Variants in RAB38 observed in about 807,000 individuals in gnomAD.
RAB38 encodes ras-related protein Rab-38.
A neutral mutation model predicts 18.4 loss-of-function variants in RAB38; 15 were observed. The ratio of observed to expected loss-of-function variants is 0.82; its 90% CI spans 0.55 to 1.26. The LOEUF is 1.26. Ranked by LOEUF, RAB38 falls within the 50% of genes most tolerant of loss-of-function variation. The pLI is 0.00. For missense variants in RAB38, 294 were observed against 267.4 expected, an observed-to-expected ratio of 1.10 and a Z score of -0.69; for synonymous variants, 101 against 104.4, an observed-to-expected ratio of 0.97 and a Z score of 0.20.
At chr11:88,053,086 A>AAT in the RAB38 span, among the ~76,000 whole-genome samples, 3 of 132,334 alleles carry the variant, frequency 2.3e-5, no homozygotes, top group Non-Finnish European at 4.7e-5. Context: ...ATATATATGG[A>AAT]ATATATATTA....
chr11:87,888,770 T>G, the RAB38 span, among the ~76,000 whole-genome samples: 1 of 151,898 alleles, frequency 6.6e-6, no homozygotes, highest in Non-Finnish European at 1.5e-5. Flanking sequence ...TATTTTATCT[T>G]TCTTGTAATA....
chr11:87,964,172 T>A, the RAB38 span, among the ~76,000 whole-genome samples: 1 of 152,118 alleles, frequency 6.6e-6, no homozygotes, highest in Non-Finnish European at 1.5e-5. Flanking sequence ...TATTAGTGTG[T>A]CTATAGGTCA....
the RAB38 span, among the ~76,000 whole-genome samples, chr11:87,920,964 G>A: frequency 6.6e-6 from 1 of 151,920 alleles, no homozygotes; most frequent in African/African-American, 2.4e-5. Context: ...TCGCAGTTCT[G>A]GTGGCTGTAA....
the RAB38 span, among the ~76,000 whole-genome samples, chr11:87,858,577 C>G: frequency 1.3e-5 from 2 of 151,966 alleles, no homozygotes; most frequent in Admixed American, 6.6e-5. Context: ...GTGCTCCACA[C>G]AAAAAATTTA....
At chr11:88,039,477 A>T in the RAB38 span, among the ~76,000 whole-genome samples, 2 of 152,206 alleles carry the variant, frequency 1.3e-5, no homozygotes, top group African/African-American at 2.4e-5. Flanking sequence ...CTGGATAAGC[A>T]GAACTGTGGT....
the RAB38 span, among the ~76,000 whole-genome samples, chr11:87,963,620 T>G: frequency 6.6e-6 from 1 of 151,810 alleles, no homozygotes; most frequent in African/African-American, 2.4e-5. Flanking sequence ...TACGTAGAGA[T>G]AGCTAAATAT....
At chr11:88,029,341 C>T in the RAB38 span, among the ~76,000 whole-genome samples, 80 of 150,662 alleles carry the variant, frequency 5.3e-4, no homozygotes, top group South Asian at 0.013. Context: ...AAATAACCAG[C>T]TAACATCAAA....
At chr11:88,039,380 A>C in the RAB38 span, among the ~76,000 whole-genome samples, 1 of 152,062 alleles carries the variant, frequency 6.6e-6, no homozygotes, top group Admixed American at 6.6e-5. Context: ...AGAACAGCAA[A>C]GCACCATAAA....
At chr11:88,164,259 T>TGG (rs749101503) in intron 1 of RAB38, among the ~76,000 whole-genome samples, 15 of 103,320 alleles carry the variant, frequency 1.5e-4, no homozygotes, top group East Asian at 1.0e-3. Flanking sequence ...GTGCTCTCGG[T>TGG]GGGGGGGGGT....
the RAB38 span, among the ~76,000 whole-genome samples, chr11:87,813,499 TCA>T: frequency 0.58 from 85,067 of 146,592 alleles, 24,836 homozygotes; most frequent in East Asian, 0.79. Context: ...ATCATACACA[TCA>T]CACACACACA....
chr11:88,019,478 C>T, the RAB38 span, among the ~76,000 whole-genome samples: 1 of 152,192 alleles, frequency 6.6e-6, no homozygotes, highest in South Asian at 2.1e-4. Context: ...TCTAGCTATT[C>T]TGTTTCCACC....
the RAB38 span, among the ~76,000 whole-genome samples, chr11:87,956,983 T>TGC: frequency 6.7e-6 from 1 of 149,080 alleles, no homozygotes; most frequent in Admixed American, 6.7e-5. Context: ...TGCAGTTTTT[T>TGC]GGGGGGGGGT....
the RAB38 span, among the ~76,000 whole-genome samples, chr11:88,021,853 CAAA>C: frequency 8.3e-6 from 1 of 120,402 alleles, no homozygotes; most frequent in Admixed American, 8.7e-5. Context: ...AACTCCATCT[CAAA>C]AAAAAAAAAA....
the RAB38 span, among the ~76,000 whole-genome samples, chr11:87,821,021 TATC>T: frequency 6.6e-6 from 1 of 152,288 alleles, no homozygotes; most frequent in East Asian, 1.9e-4. Context: ...CCAACATACA[TATC>T]ATCAGGGTTC....
chr11:88,123,895 A>T (rs1409814008), intron 2 of RAB38, among the ~76,000 whole-genome samples: 1 of 152,220 alleles, frequency 6.6e-6, no homozygotes, highest in African/African-American at 2.4e-5. Context: ...ACTTTTATGG[A>T]TAAGACCCAC....
the RAB38 span, among the ~76,000 whole-genome samples, chr11:87,974,226 A>G: frequency 6.2e-4 from 94 of 151,916 alleles, no homozygotes; most frequent in African/African-American, 2.0e-3. Context: ...GTTCTCAAGT[A>G]CTTATGGAAG....
At chr11:88,088,722 A>T in the RAB38 span, among the ~76,000 whole-genome samples, 1 of 151,916 alleles carries the variant, frequency 6.6e-6, no homozygotes, top group Non-Finnish European at 1.5e-5. Context: ...ATTCTAGGCC[A>T]GATGAGAATG....
the RAB38 span, among the ~76,000 whole-genome samples, chr11:87,832,775 C>T: frequency 7.2e-6 from 1 of 138,224 alleles, no homozygotes; most frequent in Non-Finnish European, 1.5e-5. Flanking sequence ...ACCTAGATCA[C>T]TCAGGTGGAT....
At chr11:88,074,023 C>T in the RAB38 span, among the ~76,000 whole-genome samples, 1 of 147,416 alleles carries the variant, frequency 6.8e-6, no homozygotes, top group African/African-American at 2.5e-5. Flanking sequence ...ATGAAGATCG[C>T]CTACAATATA....
Sources: allele counts gnomAD v4.1 joint callset (sites outside exome capture counted in the v4.1 genomes callset), GRCh38; gene constraint gnomAD v4.1.1; transcripts MANE v1.5; gene names NCBI Gene and HGNC (gene_info 2026-07-23, HGNC 2026-07-21).